Variants in KAT6A observed in about 807,000 individuals in gnomAD.
KAT6A encodes the protein lysine acetyltransferase 6A.
Under a neutral mutation model 198.4 loss-of-function variants are expected in KAT6A, and 9 were observed. That is an observed-to-expected ratio of 0.05 (90% CI 0.03 to 0.08). The LOEUF (loss-of-function observed/expected upper bound fraction) is 0.08. KAT6A is among the 10% of genes least tolerant of loss of function. KAT6A has a pLI of 1.00. For synonymous variants in KAT6A, 890 were observed against 883.0 expected (o/e 1.01, Z -0.14); for missense variants, 2,077 against 2,509.9 (o/e 0.83, Z 3.69).
At chr8:41,947,497 G>C (rs867987789) in intron 11 of KAT6A, among the ~76,000 whole-genome samples, 17 of 152,200 alleles carry the variant, frequency 1.1e-4, no homozygotes, top group Non-Finnish European at 2.4e-4. Flanking sequence ...TTATTACCAT[G>C]GGAAGAGAAG....
chr8:41,989,521 A>ACG (rs1824807082), intron 2 of KAT6A, among the ~76,000 whole-genome samples: 1 of 137,902 alleles, frequency 7.3e-6, no homozygotes, highest in Non-Finnish European at 1.6e-5. Context: ...GAAAAATAAC[A>ACG]TAACGTAACG....
In KAT6A at chr8:42,047,964, G is replaced by T. The variant is rs1320877838; in HGVS notation, c.600+414C>A. ...AAAATGTTCTCAGAGTCATCTGCTT[G>T]TTTCAAATTCAAGTCTCCATGATTT... is the stretch of plus-strand genomic sequence containing the variant. On this transcript the variant is annotated intron_variant, in intron 2 of 16. Transcript: ENST00000265713. 2.6e-5 allele frequency among the ~76,000 whole-genome samples: 4 copies of T among 151,700 alleles called. No individual in the cohort carries two copies. The South Asian group carries it at 8.3e-4, about 31-fold the overall frequency.
intron 10 of KAT6A, among the ~76,000 whole-genome samples, chr8:41,948,981 T>C (rs1822534845): frequency 1.3e-5 from 2 of 152,226 alleles, no homozygotes; most frequent in Admixed American, 1.3e-4. Context: ...AAATAAGTGA[T>C]AGAAATCCTT....
chr8:41,967,791 A>G (rs1285091414), intron 8 of KAT6A, among the ~76,000 whole-genome samples: 7 of 152,122 alleles, frequency 4.6e-5, no homozygotes, highest in Non-Finnish European at 1.0e-4. Flanking sequence ...GATCAATGGA[A>G]CAGAACAGAG....
intron 3 of KAT6A, among the ~76,000 whole-genome samples, chr8:41,986,979 A>G (rs1196132335): frequency 6.6e-6 from 1 of 152,210 alleles, no homozygotes; most frequent in Non-Finnish European, 1.5e-5. Flanking sequence ...CAGAGGTTGC[A>G]GTGAACCAAG....
chr8:42,030,278 T>C (rs1208904276), intron 2 of KAT6A, among the ~76,000 whole-genome samples: 2 of 152,166 alleles, frequency 1.3e-5, no homozygotes, highest in African/African-American at 2.4e-5. Context: ...CACAGATCAC[T>C]GGGGATCTGT....
At chr8:41,963,502 C>G (rs1823308890) in intron 8 of KAT6A, among the ~76,000 whole-genome samples, 1 of 152,206 alleles carries the variant, frequency 6.6e-6, no homozygotes, top group Non-Finnish European at 1.5e-5. Context: ...CAACAGCAGT[C>G]TTTTCCATTC....
intron 2 of KAT6A, among the ~76,000 whole-genome samples, chr8:41,988,749 G>GC (rs1444174696): frequency 6.6e-6 from 1 of 152,232 alleles, no homozygotes; most frequent in Non-Finnish European, 1.5e-5. Context: ...ACTGTGCACA[G>GC]CAAGTCATTT....
At chr8:42,025,983 TC>T (rs1227160730) in intron 2 of KAT6A, among the ~76,000 whole-genome samples, 1 of 152,230 alleles carries the variant, frequency 6.6e-6, no homozygotes, top group Non-Finnish European at 1.5e-5. Flanking sequence ...CTAGTTTCAT[TC>T]TTCTGCTTAT....
At chr8:42,007,818 C>T (rs930808941) in intron 2 of KAT6A, among the ~76,000 whole-genome samples, 7 of 151,710 alleles carry the variant, frequency 4.6e-5, no homozygotes, top group Non-Finnish European at 7.4e-5. Flanking sequence ...AAAAATTAGC[C>T]GGGTGTGATG....
At chr8:41,994,876 T>A (rs1825119099) in intron 2 of KAT6A, among the ~76,000 whole-genome samples, 1 of 151,830 alleles carries the variant, frequency 6.6e-6, no homozygotes. Context: ...GCCAACGTGG[T>A]GAAACCCCGT....
chr8:41,936,716 G>A (rs1688448632), intron 16 of KAT6A, among the ~76,000 whole-genome samples: 1 of 152,150 alleles, frequency 6.6e-6, no homozygotes, highest in Admixed American at 6.5e-5. Flanking sequence ...ACTACTAGTT[G>A]GGTAAGACAC....
chr8:42,051,042 C>G (rs1802598165), intron 1 of KAT6A, among the ~76,000 whole-genome samples: 1 of 151,908 alleles, frequency 6.6e-6, no homozygotes. Flanking sequence ...CGGCAGCTCG[C>G]CGACGGGGCG....
chr8:41,934,432 G>C lies in KAT6A; in HGVS notation c.3788C>G (p.Thr1263Ser), dbSNP rs773427669. 3.1e-6 allele frequency: 5 copies of C among 1,609,198 alleles called. No individual in the cohort carries two copies. The Admixed American group carries it at 8.5e-5, about 27-fold the overall frequency. Residue 1263 changes from threonine (T) to serine (S), a missense_variant, in exon 17 of 17, where the codon ACC (threonine) becomes AGC (serine). By Grantham distance (58) the Thr-to-Ser change is moderately conservative. Around this residue, in one of 13 missense-constraint regions of KAT6A, gnomAD observed 375 missense variants for 383.0 expected, o/e 0.98. Coordinates refer to ENST00000265713, the MANE Select transcript of KAT6A (RefSeq NM_006766.5). ...CTCCACCTCAGGCTCCTTGGTTTCG[G>C]TCTCAGGACTATTGCTGCTGTCTGC... ...SPADSSNSPE[T>S]ETKEPEVEEE...
intron 2 of KAT6A, among the ~76,000 whole-genome samples, chr8:42,003,340 C>T (rs896848349): frequency 6.6e-6 from 1 of 152,090 alleles, no homozygotes; most frequent in African/African-American, 2.4e-5. Flanking sequence ...CTTTGTGGGG[C>T]CTCTCGCTCA....
chr8:41,937,344 C>G lies in KAT6A; in HGVS notation c.3264G>C (p.Leu1088Phe). 2 of 1,614,086 alleles carry G rather than the reference C, an allele frequency of 1.2e-6. No individual in the cohort carries two copies. Among genetic ancestry groups the G allele is most frequent in the South Asian group, 2.2e-5 (2 of 91,072 alleles). ...ELFPREYFRRLSSQDVLRCQS... is the reference protein window; with the variant it reads ...ELFPREYFRRFSSQDVLRCQS... The stretch of plus-strand genomic sequence containing the variant: ...GACACCTGAGTACATCCTGCGAAGA[C>G]AAACGACGGAAGTATTCTCTAGGGA... The change falls in exon 16 of 17, where the codon TTG becomes TTC. Residue 1088 changes from leucine to phenylalanine, a missense_variant. Physicochemically the swap from Leu to Phe is conservative, Grantham distance 22. Coordinates refer to ENST00000265713, the MANE Select transcript of KAT6A (RefSeq NM_006766.5).
rs1821555260 is a variant in KAT6A, at chr8:41,931,749, G to A, written c.*456C>T. On this transcript the variant is annotated 3_prime_UTR_variant, in exon 17 of 17. Transcript: ENST00000265713. Reference sequence around the variant, plus strand: ...GCTGGAATGAAGTAGGAAATGAAAGGTTGGGTTTGGAGGAAAGGGTCTGGT... The same window carrying A: ...GCTGGAATGAAGTAGGAAATGAAAGATTGGGTTTGGAGGAAAGGGTCTGGT... 5.0e-6 allele frequency: 1 copy of A among 200,394 alleles called. No homozygotes were observed. The highest frequency in any genetic ancestry group is 1.0e-5 in the Non-Finnish European group (1 of 96,948). 12.4% of individuals were successfully genotyped at this position (200,394 alleles called of 1,614,324 possible). A position where few individuals can be genotyped will look rare whatever the true frequency, so the allele number is the denominator to read the frequency against.
intron 3 of KAT6A, among the ~76,000 whole-genome samples, chr8:41,987,203 T>C (rs1318364470): frequency 6.6e-6 from 1 of 152,214 alleles, no homozygotes; most frequent in African/African-American, 2.4e-5. Context: ...TTTGAGCCTA[T>C]GAGCAACAGA....
At chr8:42,019,729 T>G (rs913506073) in intron 2 of KAT6A, among the ~76,000 whole-genome samples, 1 of 152,144 alleles carries the variant, frequency 6.6e-6, no homozygotes, top group Non-Finnish European at 1.5e-5. Flanking sequence ...TTTTCAATAT[T>G]GTCCAGAAAA....
Sources: gnomAD v4.1 joint callset for allele counts (sites outside exome capture counted in the v4.1 genomes callset) on GRCh38, gnomAD v4.1.1 for gene constraint, gnomAD v4.1.1 regional missense constraint, MANE v1.5 for transcripts, NCBI Gene and HGNC (gene_info 2026-07-23, HGNC 2026-07-21) for gene names.